Variants in GKAP1 observed in about 807,000 individuals in gnomAD.
The protein encoded by GKAP1 is G kinase anchoring protein 1.
A neutral mutation model predicts 56.7 loss-of-function variants in GKAP1; 31 were observed. The observed-to-expected ratio is 0.55, with a 90% CI of 0.41 to 0.74. The LOEUF is 0.74. GKAP1 is among the 30% of genes least tolerant of loss of function. The pLI is 0.00. For synonymous variants in GKAP1, 151 were observed against 138.6 expected, an observed-to-expected ratio of 1.09 and a Z score of -0.63; for missense variants, 364 against 402.3, an observed-to-expected ratio of 0.90 and a Z score of 0.82.
At chr9:83,813,901 G>T (rs1482479958) in intron 2 of GKAP1, among the ~76,000 whole-genome samples, 1 of 152,188 alleles carries the variant, frequency 6.6e-6, no homozygotes, top group Non-Finnish European at 1.5e-5. Context: ...AGGAGTTCAA[G>T]ATCAGCTAGG....
intron 9 of GKAP1, chr9:83,749,155 T>G (rs1394237874): frequency 6.6e-6 from 1 of 152,112 alleles, no homozygotes; most frequent in Non-Finnish European, 1.5e-5. Flanking sequence ...ATCCATATTT[T>G]AGGCAATTTT....
intron 4 of GKAP1, among the ~76,000 whole-genome samples, chr9:83,795,462 G>GT (rs377246135): frequency 7.3e-5 from 11 of 150,830 alleles, no homozygotes; most frequent in Non-Finnish European, 1.3e-4. Flanking sequence ...CACCACTAGT[G>GT]TTTTTTTTAT....
At chr9:83,790,644 AAAAAC>A (rs1384411399) in intron 4 of GKAP1, among the ~76,000 whole-genome samples, 20 of 132,630 alleles carry the variant, frequency 1.5e-4, no homozygotes, top group Admixed American at 6.3e-4. Flanking sequence ...AACAAAACAA[AAAAAC>A]AAACAAACAA....
chr9:83,775,643 A>C (rs1943845810), intron 7 of GKAP1, among the ~76,000 whole-genome samples: 1 of 152,058 alleles, frequency 6.6e-6, no homozygotes, highest in African/African-American at 2.4e-5. Flanking sequence ...TGGGAGGCCA[A>C]GGCCGGTAGA....
At chr9:83,767,344 T>C (rs990414658) in intron 8 of GKAP1, among the ~76,000 whole-genome samples, 2 of 152,126 alleles carry the variant, frequency 1.3e-5, no homozygotes, top group Admixed American at 6.5e-5. Flanking sequence ...TTATGGGTTT[T>C]ATACAGTCTC....
Position 83,806,138 on chromosome 9 carries a change from C to G in GKAP1, c.216+164G>C, listed in dbSNP as rs567675284. Among the ~76,000 whole-genome samples, 4 of 151,718 alleles carry G rather than the reference C, an allele frequency of 2.6e-5. No individual in the cohort carries two copies. The South Asian group carries it at 8.3e-4, about 32-fold the overall frequency. ...TCTCAAAAAAAAAAAAAGATCATTA[C>G]ATTTGATTTTAAATATACACAAATT... is the stretch of plus-strand genomic sequence containing the variant. On this transcript the variant is annotated intron_variant, in intron 3 of 12. Transcript: ENST00000376371.
At chr9:83,760,968 A>G (rs1048934810) in intron 8 of GKAP1, among the ~76,000 whole-genome samples, 10 of 152,022 alleles carry the variant, frequency 6.6e-5, no homozygotes, top group African/African-American at 2.2e-4. Context: ...TAGAAAAGCA[A>G]GAGCAAACCA....
chr9:83,761,895 G>A (rs1257138384), intron 8 of GKAP1, among the ~76,000 whole-genome samples: 1 of 152,082 alleles, frequency 6.6e-6, no homozygotes, highest in Non-Finnish European at 1.5e-5. Context: ...GGGTATAGAA[G>A]GAATATACCT....
chr9:83,802,524 T>C (rs1944347797), intron 3 of GKAP1, among the ~76,000 whole-genome samples: 1 of 150,208 alleles, frequency 6.7e-6, no homozygotes, highest in Non-Finnish European at 1.5e-5. Flanking sequence ...CATAAAAATG[T>C]ACATTCAATG....
chr9:83,804,855 GC>G (rs1352856252), intron 3 of GKAP1, among the ~76,000 whole-genome samples: 1 of 138,142 alleles, frequency 7.2e-6, no homozygotes, highest in African/African-American at 2.9e-5. Flanking sequence ...TGGGGGGTCA[GC>G]CCCCCGCCCG....
intron 12 of GKAP1, among the ~76,000 whole-genome samples, chr9:83,741,283 T>G (rs1390440357): frequency 6.6e-6 from 1 of 152,000 alleles, no homozygotes; most frequent in Non-Finnish European, 1.5e-5. Context: ...TTGAGATTTT[T>G]TGGCTATGAT....
intron 3 of GKAP1, among the ~76,000 whole-genome samples, chr9:83,805,291 C>T (rs369237319): frequency 6.6e-6 from 1 of 151,802 alleles, no homozygotes; most frequent in African/African-American, 2.4e-5. Flanking sequence ...GAATCATCAC[C>T]ACTCCCTAAT....
chr9:83,750,252 T>C (rs1332665202), intron 9 of GKAP1, among the ~76,000 whole-genome samples: 1 of 152,236 alleles, frequency 6.6e-6, no homozygotes, highest in African/African-American at 2.4e-5. Flanking sequence ...ACATATTAGC[T>C]AATAAAGAGC....
chr9:83,800,658 T>C (rs1944318003), intron 3 of GKAP1, among the ~76,000 whole-genome samples: 1 of 152,212 alleles, frequency 6.6e-6, no homozygotes. Context: ...TTACATATTT[T>C]AAGTTCAACT....
rs1943172938 is a variant in GKAP1, at chr9:83,739,625, G to T, written c.*72C>A. 1.6e-6 allele frequency: 2 copies of T among 1,214,094 alleles called. No homozygotes were observed. Among genetic ancestry groups the T allele is most frequent in the African/African-American group, 1.5e-5 (1 of 65,898 alleles). 75.2% of individuals were successfully genotyped at this position (1,214,094 alleles called of 1,614,324 possible). On this transcript the variant is annotated 3_prime_UTR_variant, in exon 13 of 13. Coordinates refer to ENST00000376371, the MANE Select transcript of GKAP1 (RefSeq NM_025211.4). ...AACTGCATAGTTTAGCAGTTGCACA[G>T]CATTAAATATATACAACTTTGCAAA...
intron 7 of GKAP1, among the ~76,000 whole-genome samples, chr9:83,778,582 T>C (rs1943900601): frequency 6.6e-6 from 1 of 151,784 alleles, no homozygotes. Flanking sequence ...TCAAGAAAAA[T>C]AACTAATGGG....
intron 6 of GKAP1, among the ~76,000 whole-genome samples, chr9:83,783,452 CAT>C (rs1453008024): frequency 1.3e-5 from 2 of 152,178 alleles, no homozygotes; most frequent in Admixed American, 6.5e-5. Context: ...AATTGCCACA[CAT>C]GAATAGTAGC....
chr9:83,798,468 G>T (rs765915188), intron 4 of GKAP1, among the ~76,000 whole-genome samples: 1 of 152,168 alleles, frequency 6.6e-6, no homozygotes. Flanking sequence ...ACAAACAACA[G>T]TAAAGTTTCC....
intron 7 of GKAP1, among the ~76,000 whole-genome samples, chr9:83,772,046 A>AG (rs1314630155): frequency 6.6e-6 from 1 of 152,062 alleles, no homozygotes; most frequent in Non-Finnish European, 1.5e-5. Context: ...AACAAACTAT[A>AG]GGGGGGAGAA....
Sources: allele counts gnomAD v4.1 joint callset (sites outside exome capture counted in the v4.1 genomes callset), GRCh38; gene constraint gnomAD v4.1.1; transcripts MANE v1.5; gene names NCBI Gene and HGNC (gene_info 2026-07-23, HGNC 2026-07-21).